The following COX7B2 variants were observed in gnomAD, a reference collection of about 807,000 sequenced individuals.
The protein encoded by COX7B2 is cytochrome c oxidase subunit 7B2.
For synonymous variants in COX7B2, 37 were observed against 32.1 expected, an observed-to-expected ratio of 1.15 and a Z score of -0.51; for missense variants, 109 against 95.9, an observed-to-expected ratio of 1.14 and a Z score of -0.57.
intron 2 of COX7B2, among the ~76,000 whole-genome samples, chr4:46,823,211 C>G (rs1015352420): frequency 1.3e-5 from 2 of 152,026 alleles, no homozygotes; most frequent in African/African-American, 4.8e-5. Flanking sequence ...TTCCAAAATT[C>G]CATCCGGATA....
chr4:46,875,683 G>A lies in COX7B2; in HGVS notation c.-104-30669C>T, dbSNP rs191697160. On this transcript the variant is annotated intron_variant, in intron 1 of 2. Coordinates refer to ENST00000355591, the MANE Select transcript of COX7B2 (RefSeq NM_130902.3). ...ATCCCATTTTAGTTATCAATCTAACGTCCTATGACTTCCCAACTAAATTCT... is the reference window on the plus strand; with the variant it reads ...ATCCCATTTTAGTTATCAATCTAACATCCTATGACTTCCCAACTAAATTCT... Among the ~76,000 whole-genome samples, 36 of 151,958 alleles carry A rather than the reference G, an allele frequency of 2.4e-4. No homozygotes were observed. In the East Asian group the frequency reaches 6.6e-3, roughly 28 times the overall value.
rs1714256463 is a variant in COX7B2 at position 46,734,845 on chromosome 4, A to G, written c.*102T>C. The G allele has an allele frequency of 1.5e-6, 2 of 1,368,190 alleles. No individual in the cohort carries two copies. The highest frequency in any genetic ancestry group is 2.9e-5 in the African/African-American group (2 of 68,506). The allele number at this position is 1,368,190 out of a possible 1,614,324, so 84.8% of individuals were successfully genotyped here. ...CAATGACTTTTTAAAGATTTAAAACACATTTTATTTTTTCAATTGTGCTAT... is the reference window on the plus strand; with the variant it reads ...CAATGACTTTTTAAAGATTTAAAACGCATTTTATTTTTTCAATTGTGCTAT... On this transcript the variant is annotated 3_prime_UTR_variant, in exon 3 of 3. Coordinates refer to ENST00000355591, the MANE Select transcript of COX7B2 (RefSeq NM_130902.3).
At chr4:46,860,411 A>G (rs1199035809) in intron 1 of COX7B2, among the ~76,000 whole-genome samples, 2 of 152,158 alleles carry the variant, frequency 1.3e-5, no homozygotes. Context: ...CAGCAAGTTG[A>G]TGGTCTGCAC....
At chr4:46,743,744 T>C (rs1560346503) in intron 2 of COX7B2, among the ~76,000 whole-genome samples, 1 of 152,216 alleles carries the variant, frequency 6.6e-6, no homozygotes, top group East Asian at 1.9e-4. Context: ...ATTCCAAATG[T>C]AGCTAAACAT....
intron 2 of COX7B2, among the ~76,000 whole-genome samples, chr4:46,774,744 C>A (rs773525929): frequency 1.3e-5 from 2 of 151,968 alleles, no homozygotes; most frequent in Non-Finnish European, 2.9e-5. Context: ...CAAGTCTTAT[C>A]ACTGATGGGT....
intron 2 of COX7B2, among the ~76,000 whole-genome samples, chr4:46,737,688 A>C (rs1240246454): frequency 6.6e-6 from 1 of 152,120 alleles, no homozygotes; most frequent in African/African-American, 2.4e-5. Flanking sequence ...TAATTCTTTA[A>C]ATTTATCTTC....
At chr4:46,896,230 G>A (rs541921076) in intron 1 of COX7B2, among the ~76,000 whole-genome samples, 2 of 152,256 alleles carry the variant, frequency 1.3e-5, no homozygotes, top group African/African-American at 2.4e-5. Context: ...CAACTGGCAT[G>A]CCCATGAGAC....
intron 2 of COX7B2, among the ~76,000 whole-genome samples, chr4:46,767,208 T>A (rs1180934220): frequency 6.6e-6 from 1 of 152,192 alleles, no homozygotes; most frequent in Non-Finnish European, 1.5e-5. Flanking sequence ...AAGTAGGATA[T>A]ATACAGCTGT....
At chr4:46,824,639 G>C (rs993531951) in intron 2 of COX7B2, among the ~76,000 whole-genome samples, 1 of 140,414 alleles carries the variant, frequency 7.1e-6, no homozygotes, top group Non-Finnish European at 1.5e-5. Flanking sequence ...TATTATGTGA[G>C]TATTACTGTT....
chr4:46,877,214 T>C (rs375306634), intron 1 of COX7B2, among the ~76,000 whole-genome samples: 43 of 152,284 alleles, frequency 2.8e-4, no homozygotes, highest in African/African-American at 1.0e-3. Flanking sequence ...GAATAAGTAA[T>C]AAGTATTACC....
At chr4:46,849,688 G>C (rs370146967) in intron 1 of COX7B2, among the ~76,000 whole-genome samples, 1 of 151,830 alleles carries the variant, frequency 6.6e-6, no homozygotes, top group Non-Finnish European at 1.5e-5. Context: ...TGGAGACAAT[G>C]AATTTTTTTT....
intron 2 of COX7B2, among the ~76,000 whole-genome samples, chr4:46,836,255 C>A (rs1715504250): frequency 6.6e-6 from 1 of 152,066 alleles, no homozygotes. Flanking sequence ...TTTATTGACT[C>A]CTTTGTGATA....
chr4:46,808,568 T>C (rs1577589258), intron 2 of COX7B2, among the ~76,000 whole-genome samples: 1 of 152,014 alleles, frequency 6.6e-6, no homozygotes, highest in East Asian at 1.9e-4. Context: ...GTACTTTCAG[T>C]ACTATATTTA....
At chr4:46,846,193 C>A (rs1049334219) in intron 1 of COX7B2, among the ~76,000 whole-genome samples, 2 of 151,990 alleles carry the variant, frequency 1.3e-5, no homozygotes, top group East Asian at 3.9e-4. Flanking sequence ...GTTATTTGTT[C>A]ATTCATTCAA....
At chr4:46,898,850 A>G in intron 1 of COX7B2, among the ~76,000 whole-genome samples, 1 of 152,190 alleles carries the variant, frequency 6.6e-6, no homozygotes, top group African/African-American at 2.4e-5. Context: ...CCTTTTGCAT[A>G]TATCTTTCTG....
chr4:46,900,709 T>C (rs1426201558), intron 1 of COX7B2, among the ~76,000 whole-genome samples: 1 of 152,162 alleles, frequency 6.6e-6, no homozygotes, highest in Non-Finnish European at 1.5e-5. Flanking sequence ...ATTAGTGCTC[T>C]TATAAAAGAG....
intron 2 of COX7B2, among the ~76,000 whole-genome samples, chr4:46,819,252 C>A (rs367654154): frequency 2.0e-5 from 3 of 151,986 alleles, no homozygotes; most frequent in Admixed American, 2.0e-4. Flanking sequence ...TATCAAAAAC[C>A]CTTTAGCGGA....
intron 1 of COX7B2, among the ~76,000 whole-genome samples, chr4:46,889,337 G>C (rs532649926): frequency 1.3e-5 from 2 of 152,226 alleles, no homozygotes; most frequent in South Asian, 2.1e-4. Context: ...CTGGATGTAG[G>C]AACTGTCACA....
chr4:46,854,421 C>A (rs540237725), intron 1 of COX7B2, among the ~76,000 whole-genome samples: 1 of 152,244 alleles, frequency 6.6e-6, no homozygotes, highest in Admixed American at 6.5e-5. Context: ...AGACAGTAGC[C>A]ACACTAGCCA....
Sources: gnomAD v4.1 joint callset for allele counts (sites outside exome capture counted in the v4.1 genomes callset) on GRCh38, gnomAD v4.1.1 for gene constraint, MANE v1.5 for transcripts, NCBI Gene and HGNC (gene_info 2026-07-23, HGNC 2026-07-21) for gene names.